Variants in LETM2 observed in about 807,000 individuals in gnomAD.
LETM2 encodes the protein LETM1 domain-containing protein LETM2, mitochondrial.
In LETM2, 58 loss-of-function variants were observed where a neutral mutation model predicts 59.6. That is an observed-to-expected ratio of 0.97 (90% CI 0.79 to 1.21). LETM2 has a LOEUF of 1.21. Among genes scored for constraint, LETM2 ranks in the 50% most tolerant of loss-of-function variants. The probability of loss-of-function intolerance (pLI) is 0.00; values close to 1 mark genes in which losing one functional copy is unlikely to be tolerated. For missense variants in LETM2, 572 were observed against 575.7 expected (o/e 0.99, Z 0.07); for synonymous variants, 199 against 214.1 (o/e 0.93, Z 0.62).
chr8:38,394,493 A>G (rs920808290), intron 4 of LETM2: 4 of 319,776 alleles, frequency 1.3e-5, no homozygotes, highest in African/African-American at 2.1e-5. Context: ...TTGCAAATGC[A>G]TAATTTCATG....
At chr8:38,387,769 A>G (rs1811887469) in intron 1 of LETM2, among the ~76,000 whole-genome samples, 181 bp from the exon 2 acceptor site, 1 of 152,182 alleles carries the variant, frequency 6.6e-6, no homozygotes, top group African/African-American at 2.4e-5. Flanking sequence ...ATCTCAAAGT[A>G]CCATTCTCAA....
chr8:38,408,124 TTTGA>T (rs948587036), intron 10 of LETM2, 84 bp from the exon 11 acceptor site: 2 of 942,022 alleles, frequency 2.1e-6, no homozygotes, highest in Middle Eastern at 2.1e-4. Context: ...TGGTCACTAT[TTTGA>T]TTAAGAAAAC....
chr8:38,399,702 C>T (rs533771664), intron 4 of LETM2, among the ~76,000 whole-genome samples: 1 of 148,090 alleles, frequency 6.8e-6, no homozygotes, highest in African/African-American at 2.5e-5. Context: ...CACTTGAACC[C>T]GGGAGAGAGA....
upstream of LETM2, chr8:38,383,320 A>G (rs1368642175): frequency 6.6e-6 from 1 of 152,304 alleles, no homozygotes; most frequent in Non-Finnish European, 1.5e-5. Context: ...CGACCAGGTG[A>G]TATTTCCTGG....
intron 4 of LETM2, among the ~76,000 whole-genome samples, chr8:38,398,988 T>C (rs1045859962): frequency 6.6e-6 from 1 of 152,048 alleles, no homozygotes; most frequent in Non-Finnish European, 1.5e-5. Context: ...CCCAAAGTGC[T>C]GGGATTACAG....
rs1813918612 is a variant in LETM2, at chr8:38,408,475, A to T, written c.*201A>T. 1 of 536,582 alleles carries T rather than the reference A, an allele frequency of 1.9e-6. No homozygotes were observed. Among genetic ancestry groups the T allele is most frequent in the South Asian group, 2.2e-5 (1 of 45,048 alleles). 33.2% of individuals were successfully genotyped at this position (536,582 alleles called of 1,614,324 possible). On this transcript the variant is annotated 3_prime_UTR_variant, in exon 11 of 11. Coordinates refer to ENST00000379957, the MANE Select transcript of LETM2 (RefSeq NM_001286819.2). ...AGTTCAGACCACTTAGAAAAATATA[A>T]TTGCAAAGTCCCATTTCCTCTGTAC...
At chr8:38,407,206 G>T in intron 9 of LETM2, 156 bp from the exon 10 acceptor site, 1 of 728,852 alleles carries the variant, frequency 1.4e-6, no homozygotes. Flanking sequence ...CTTAATATTT[G>T]GCTACACGTA....
chr8:38,393,128 A>T, intron 3 of LETM2, 133 bp downstream of exon 3: 1 of 748,288 alleles, frequency 1.3e-6, no homozygotes, highest in Non-Finnish European at 2.1e-6. Context: ...GGTGAGAACC[A>T]GTTTCTTGTC....
intron 1 of LETM2, 41 bp from the exon 2 acceptor site, chr8:38,387,909 T>A (rs1376421931): frequency 1.2e-6 from 1 of 805,374 alleles, no homozygotes; most frequent in East Asian, 2.7e-5. Flanking sequence ...AATTGATGTA[T>A]TTTTAAACTA....
intron 4 of LETM2, among the ~76,000 whole-genome samples, chr8:38,399,047 G>A (rs1229304425): frequency 6.9e-6 from 1 of 144,846 alleles, no homozygotes; most frequent in Admixed American, 7.0e-5. Flanking sequence ...TCATACTATT[G>A]TGTGATTTTT....
At chr8:38,399,275 ACTTTT>A (rs1488923794) in intron 4 of LETM2, among the ~76,000 whole-genome samples, 1 of 152,118 alleles carries the variant, frequency 6.6e-6, no homozygotes, top group Non-Finnish European at 1.5e-5. Context: ...GTGTCCATTT[ACTTTT>A]CTTCTGTGTA....
Position 38,408,279 on chromosome 8 carries a change from C to T in LETM2, c.*5C>T, listed in dbSNP as rs749582529. The T allele has an allele frequency of 1.3e-6, 2 of 1,486,506 alleles. No individual in the cohort carries two copies. The highest frequency in any genetic ancestry group is 2.2e-5 in the East Asian group (1 of 44,870). The allele number at this position is 1,486,506 out of a possible 1,614,324, so 92.1% of individuals were successfully genotyped here. On this transcript the variant is annotated 3_prime_UTR_variant, in exon 11 of 11. Transcript: ENST00000379957. ...GCTAGTTCAAAAGGAGCATAAAGGA[C>T]TACTTGAGGATGGAGCTCACTCTCT... is the stretch of plus-strand genomic sequence containing the variant.
At chr8:38,404,561 A>C in intron 8 of LETM2, 55 bp downstream of exon 8, 1 of 1,071,504 alleles carries the variant, frequency 9.3e-7, no homozygotes, top group South Asian at 1.2e-5. Flanking sequence ...AGGCCTCTCC[A>C]CAAACACTTG....
At chr8:38,405,641 G>C (rs974199220) in intron 8 of LETM2, among the ~76,000 whole-genome samples, 1 of 152,188 alleles carries the variant, frequency 6.6e-6, no homozygotes, top group African/African-American at 2.4e-5. Context: ...GGGAGACTAG[G>C]AGCAGTTTCA....
At position 38,392,907 on chromosome 8, in the gene LETM2, A is replaced by G. The variant is rs780716788; in HGVS notation, c.413A>G (p.Tyr138Cys). 1.3e-5 allele frequency: 21 copies of G among 1,613,692 alleles called. No homozygotes were observed. Among genetic ancestry groups the G allele is most frequent in the Admixed American group, 1.7e-5 (1 of 60,026 alleles). ...CTAAAATATTATTACAATGGATTCT[A>G]CTTACTTTGGATTGACGCCAAAGTT... ...DELKYYYNGFYLLWIDAKVAA... is the reference protein window; with the variant it reads ...DELKYYYNGFCLLWIDAKVAA... Residue 138 changes from tyrosine (Y) to cysteine (C), a missense_variant, in exon 3 of 11, where the codon TAC becomes TGC. By Grantham distance (194) the Tyr-to-Cys change is radical (BLOSUM62 -2). Transcript: ENST00000379957.
At position 38,397,891 on chromosome 8, in the gene LETM2, G is replaced by A. The variant is rs952946633; in HGVS notation, c.646-2381G>A. Among the ~76,000 whole-genome samples, 12 of 152,164 alleles carry A rather than the reference G, an allele frequency of 7.9e-5. 1 individual carries two copies. The highest frequency in any genetic ancestry group is 2.0e-4 in the Admixed American group (3 of 15,274). On this transcript the variant is annotated intron_variant, in intron 4 of 10. Coordinates refer to ENST00000379957, the MANE Select transcript of LETM2 (RefSeq NM_001286819.2). ...GTGGTGGCTCATGCCTGTAATCCCA[G>A]CACTTTGGGAGGCCGAGGTGGGTGG...
At position 38,387,817 on chromosome 8, in the gene LETM2, G is replaced by A. The variant is rs1811890486; in HGVS notation, c.-34-133G>A. On this transcript the variant is annotated intron_variant, in intron 1 of 10. Coordinates refer to ENST00000379957, the MANE Select transcript of LETM2 (RefSeq NM_001286819.2). ...GAAAATATCTGATTGTTGGAAATGA[G>A]CTTGAAGGAGGTTTTGTACCTTAAC... 7 of 555,300 alleles carry A rather than the reference G, an allele frequency of 1.3e-5. No homozygotes were observed. In the East Asian group the frequency reaches 2.1e-4, roughly 17 times the overall value. 34.4% of individuals were successfully genotyped at this position (555,300 alleles called of 1,614,324 possible). A position where few individuals can be genotyped will look rare whatever the true frequency, so the allele number is the denominator to read the frequency against.
chr8:38,395,402 G>A (rs181861630), intron 4 of LETM2, among the ~76,000 whole-genome samples: 5 of 152,316 alleles, frequency 3.3e-5, no homozygotes, highest in Non-Finnish European at 4.4e-5. Context: ...CACGAAACAG[G>A]TGTGTAGTGG....
chr8:38,387,838 T>C (rs1194877412), intron 1 of LETM2, 112 bp from the exon 2 acceptor site: 1 of 587,936 alleles, frequency 1.7e-6, no homozygotes, highest in Non-Finnish European at 3.0e-6. Context: ...GTTTTGTACC[T>C]TAACTATGCA....
Sources: allele counts gnomAD v4.1 joint callset (sites outside exome capture counted in the v4.1 genomes callset), GRCh38; gene constraint gnomAD v4.1.1; transcripts MANE v1.5; gene names NCBI Gene and HGNC (gene_info 2026-07-23, HGNC 2026-07-21).